The following SEPTIN14 variants were observed in gnomAD, a reference collection of about 807,000 sequenced individuals.
SEPTIN14 encodes the protein septin-14.
Under a neutral mutation model 53.6 loss-of-function variants are expected in SEPTIN14, and 40 were observed. That is an observed-to-expected ratio of 0.75 (90% CI 0.58 to 0.97). The LOEUF (loss-of-function observed/expected upper bound fraction) is 0.97. SEPTIN14 is among the 50% of genes least tolerant of loss of function. The probability of loss-of-function intolerance (pLI) is 0.00; values close to 1 mark genes in which losing one functional copy is unlikely to be tolerated. For missense variants in SEPTIN14, 471 were observed against 508.2 expected (o/e 0.93, Z 0.70); for synonymous variants, 138 against 166.8 (o/e 0.83, Z 1.33).
At chr7:55,814,065 G>T (rs991099053) in intron 7 of SEPTIN14, among the ~76,000 whole-genome samples, 5 of 152,146 alleles carry the variant, frequency 3.3e-5, no homozygotes, top group African/African-American at 1.2e-4. Flanking sequence ...GGGAGAAAGT[G>T]AGAAAAGAGT....
At chr7:55,804,807 TA>T (rs563907231) in intron 9 of SEPTIN14, among the ~76,000 whole-genome samples, 5 of 152,200 alleles carry the variant, frequency 3.3e-5, no homozygotes, top group Non-Finnish European at 5.9e-5. Flanking sequence ...TTCCCCATTT[TA>T]TTAGAAATGG....
chr7:55,824,288 AC>A (rs1788947584), intron 6 of SEPTIN14, among the ~76,000 whole-genome samples: 1 of 152,172 alleles, frequency 6.6e-6, no homozygotes, highest in Admixed American at 6.6e-5. Context: ...TTAAAACCCA[AC>A]AAAAAAATGA....
intron 8 of SEPTIN14, 135 bp from the exon 9 acceptor site, chr7:55,805,525 T>A: frequency 1.8e-6 from 1 of 570,300 alleles, no homozygotes; most frequent in Non-Finnish European, 3.0e-6. Flanking sequence ...GACTCCATCA[T>A]AAAAAAATAA....
At chr7:55,823,864 T>A (rs1788938385) in intron 6 of SEPTIN14, among the ~76,000 whole-genome samples, 1 of 151,328 alleles carries the variant, frequency 6.6e-6, no homozygotes, top group Non-Finnish European at 1.5e-5. Context: ...AAATCTACCT[T>A]CCTTACCTAC....
chr7:55,828,069 C>G (rs1789022096), intron 6 of SEPTIN14, among the ~76,000 whole-genome samples: 2 of 151,278 alleles, frequency 1.3e-5, no homozygotes, highest in South Asian at 4.2e-4. Flanking sequence ...AAAGGACACA[C>G]TAGCTCTCTC....
intron 2 of SEPTIN14, among the ~76,000 whole-genome samples, chr7:55,858,517 A>G (rs1789687258): frequency 6.6e-6 from 1 of 152,172 alleles, no homozygotes; most frequent in Non-Finnish European, 1.5e-5. Context: ...CAAAGCCCAT[A>G]GGGTAGGCCA....
At chr7:55,802,845 T>G (rs1788544614) in intron 9 of SEPTIN14, among the ~76,000 whole-genome samples, 1 of 151,480 alleles carries the variant, frequency 6.6e-6, no homozygotes, top group South Asian at 2.1e-4. Context: ...TTGCAAACTG[T>G]ACATCTGATA....
At chr7:55,834,395 C>T (rs1348706712) in intron 6 of SEPTIN14, 30 bp downstream of exon 6, 3 of 1,563,568 alleles carry the variant, frequency 1.9e-6, no homozygotes, top group South Asian at 1.2e-5. Flanking sequence ...CATTTCTAGC[C>T]TCTTTGTCAG....
chr7:55,798,652 G>A (rs560382900), intron 9 of SEPTIN14: 59 of 326,476 alleles, frequency 1.8e-4, no homozygotes, highest in South Asian at 6.3e-4. Flanking sequence ...TTCAGCAAGC[G>A]GCACCAGGCT....
At chr7:55,806,402 T>TC (rs1788610522) in intron 8 of SEPTIN14, among the ~76,000 whole-genome samples, 1 of 152,042 alleles carries the variant, frequency 6.6e-6, no homozygotes, top group African/African-American at 2.4e-5. Flanking sequence ...ATCAAACTCT[T>TC]CTTAATGTCT....
chr7:55,825,958 T>C (rs1261624987), intron 6 of SEPTIN14, among the ~76,000 whole-genome samples: 1 of 151,980 alleles, frequency 6.6e-6, no homozygotes, highest in East Asian at 1.9e-4. Flanking sequence ...AAAAATTAGC[T>C]GGGCGTGGTG....
chr7:55,848,167 C>A (rs1307887886), intron 2 of SEPTIN14, among the ~76,000 whole-genome samples: 1 of 152,082 alleles, frequency 6.6e-6, no homozygotes, highest in African/African-American at 2.4e-5. Context: ...TTATTTTGTA[C>A]CTTTATAAAA....
Position 55,819,161 on chromosome 7 carries a change from G to T in SEPTIN14, c.783C>A (p.Val261=). 6.3e-7 allele frequency: 1 copy of T among 1,586,892 alleles called. No homozygotes were observed. Among genetic ancestry groups the T allele is most frequent in the Non-Finnish European group, 8.6e-7 (1 of 1,165,734 alleles). The change falls in exon 7 of 10, where the codon GTC becomes GTA. Residue 261 remains valine (V), a synonymous_variant. Coordinates refer to ENST00000388975, the MANE Select transcript of SEPTIN14 (RefSeq NM_207366.3). The stretch of plus-strand genomic sequence containing the variant: ...CTCCCCAAGGGTAGTGACGGCCTCT[G>T]ACCATCCTTTTTCCAACTTTCACTT... ...TDEVKVGKRM[V]RGRHYPWGVL...
intron 2 of SEPTIN14, among the ~76,000 whole-genome samples, chr7:55,855,742 C>G (rs963612356): frequency 1.3e-5 from 2 of 151,812 alleles, no homozygotes; most frequent in Non-Finnish European, 2.9e-5. Context: ...TTAGTAGAGA[C>G]GGAGTTTCAC....
At chr7:55,837,895 T>C (rs1789238536) in intron 5 of SEPTIN14, among the ~76,000 whole-genome samples, 1 of 152,206 alleles carries the variant, frequency 6.6e-6, no homozygotes, top group South Asian at 2.1e-4. Flanking sequence ...CCCATGTTTT[T>C]AATCACAGAA....
intron 9 of SEPTIN14, among the ~76,000 whole-genome samples, chr7:55,797,440 T>G (rs192319315): frequency 1.3e-3 from 192 of 152,318 alleles, no homozygotes; most frequent in African/African-American, 4.5e-3. Flanking sequence ...CAAGAGAATC[T>G]TCATTAGACT....
At chr7:55,836,745 A>C (rs994119700) in intron 5 of SEPTIN14, among the ~76,000 whole-genome samples, 3 of 152,168 alleles carry the variant, frequency 2.0e-5, no homozygotes, top group Admixed American at 2.0e-4. Context: ...TCTCAACAAC[A>C]ACAACAACAA....
chr7:55,822,187 C>T (rs1788907323), intron 6 of SEPTIN14, among the ~76,000 whole-genome samples: 1 of 152,070 alleles, frequency 6.6e-6, no homozygotes. Context: ...AACCATATAA[C>T]CACCATACTG....
chr7:55,862,018 A>G lies in SEPTIN14; in HGVS notation c.-15-7T>C. 1 of 1,526,578 alleles carries G rather than the reference A, an allele frequency of 6.6e-7. No individual in the cohort carries two copies. Among genetic ancestry groups the G allele is most frequent in the Non-Finnish European group, 8.8e-7 (1 of 1,133,982 alleles). The allele number at this position is 1,526,578 out of a possible 1,614,324, so 94.6% of individuals were successfully genotyped here. A position where few individuals can be genotyped will look rare whatever the true frequency, so the allele number is the denominator to read the frequency against. On this transcript the variant is annotated splice_polypyrimidine_tract_variant and splice_region_variant and intron_variant, in intron 1 of 9. Transcript: ENST00000388975. Reference sequence around the variant, plus strand: ...CCATGCTACACTAAAAGAGCTGGAAATTTAAAAAAATAAACATTTTTAAAA... The same window carrying G: ...CCATGCTACACTAAAAGAGCTGGAAGTTTAAAAAAATAAACATTTTTAAAA...
Sources: gnomAD v4.1 joint callset for allele counts (sites outside exome capture counted in the v4.1 genomes callset) on GRCh38, gnomAD v4.1.1 for gene constraint, MANE v1.5 for transcripts, NCBI Gene and HGNC (gene_info 2026-07-23, HGNC 2026-07-21) for gene names.